ME2: variants seen among roughly 807,000 people sequenced by gnomAD.
The protein encoded by ME2 is NAD-dependent malic enzyme, mitochondrial.
ME2 carries 60 observed loss-of-function variants against 73.7 expected under a neutral mutation model. The observed-to-expected ratio is 0.81, with a 90% CI of 0.66 to 1.01. The LOEUF is 1.01. ME2 is among the 50% of genes least tolerant of loss of function. The pLI, the probability that ME2 is intolerant of heterozygous loss-of-function variation, is 0.00. For missense variants in ME2, 594 were observed against 705.5 expected (o/e 0.84, Z 1.79); for synonymous variants, 199 against 236.9 (o/e 0.84, Z 1.47).
At chr18:50,927,532 C>G (rs960074627) in intron 12 of ME2, among the ~76,000 whole-genome samples, 1 of 151,434 alleles carries the variant, frequency 6.6e-6, no homozygotes, top group Non-Finnish European at 1.5e-5. Context: ...AACCCCGTCT[C>G]TACTAAAAAT....
intron 15 of ME2, 25 bp from the exon 16 acceptor site, chr18:50,946,992 C>T (rs752476230): frequency 6.4e-7 from 1 of 1,574,046 alleles, no homozygotes; most frequent in Non-Finnish European, 8.7e-7. Context: ...TCAGAGCCTA[C>T]ACAATAACCT....
rs911096937 is a variant in ME2, at chr18:50,904,428, A to G, written c.109-3635A>G. 1.1e-4 allele frequency among the ~76,000 whole-genome samples: 17 copies of G among 150,862 alleles called. 1 individual carries two copies. Among genetic ancestry groups the G allele is most frequent in the African/African-American group, 3.7e-4 (15 of 41,050 alleles). On this transcript the variant is annotated intron_variant, in intron 2 of 15. Coordinates refer to ENST00000321341, the MANE Select transcript of ME2 (RefSeq NM_002396.5). ...CAAGTAGCTGGGACTACAGGCACCCACCACCACACCTGGCTTATTTTTTTT... is the reference window on the plus strand; with the variant it reads ...CAAGTAGCTGGGACTACAGGCACCCGCCACCACACCTGGCTTATTTTTTTT...
At chr18:50,907,016 T>G (rs1381459706) in intron 2 of ME2, among the ~76,000 whole-genome samples, 3 of 152,182 alleles carry the variant, frequency 2.0e-5, no homozygotes, top group Non-Finnish European at 4.4e-5. Context: ...TACCCTGTTG[T>G]TTTTCTCAAC....
At chr18:50,923,674 C>T (rs1468702859) in intron 10 of ME2, among the ~76,000 whole-genome samples, 3 of 152,122 alleles carry the variant, frequency 2.0e-5, no homozygotes, top group Admixed American at 6.5e-5. Flanking sequence ...ATCACCTGAG[C>T]CCGGGGAGGT....
chr18:50,893,124 CAAAAAA>C (rs56104427), intron 1 of ME2, among the ~76,000 whole-genome samples: 6 of 78,090 alleles, frequency 7.7e-5, no homozygotes, highest in African/African-American at 3.5e-4. Context: ...GACTCTATCT[CAAAAAA>C]AAAAAAAAAA....
chr18:50,887,246 A>G (rs1056643407), intron 1 of ME2, among the ~76,000 whole-genome samples: 1 of 152,196 alleles, frequency 6.6e-6, no homozygotes, highest in Non-Finnish European at 1.5e-5. Context: ...AAACACAGAG[A>G]TGGTAAGTAA....
rs1917406003 is a variant in ME2 at position 50,920,719 on chromosome 18, A to G, written c.903A>G (p.Pro301=). Residue 301 remains proline (P), a synonymous_variant, in exon 9 of 16, where the codon CCA becomes CCG. Transcript: ENST00000321341. The part of the protein sequence containing the change: ...LLAAQKVISK[P]ISEHKILFLG... ...CAGCACAAAAAGTTATTAGTAAACC[A>G]ATCTCCGAACACAAAATCTTATTCC... 6.2e-7 allele frequency: 1 copy of G among 1,612,030 alleles called. No homozygotes were observed. The highest frequency in any genetic ancestry group is 8.5e-7 in the Non-Finnish European group (1 of 1,179,792).
At chr18:50,914,330 TAGAG>T (rs1264000473) in intron 4 of ME2, among the ~76,000 whole-genome samples, 2 of 152,162 alleles carry the variant, frequency 1.3e-5, no homozygotes, top group East Asian at 3.8e-4. Flanking sequence ...GATTAAAAGA[TAGAG>T]AGAAACTTAG....
At chr18:50,932,405 G>T (rs1352481687) in intron 13 of ME2, 45 bp downstream of exon 13, 6 of 1,443,322 alleles carry the variant, frequency 4.2e-6, no homozygotes, top group Non-Finnish European at 5.8e-6. Context: ...AGTTAATTAT[G>T]TAAAAATACT....
At chr18:50,937,238 G>A (rs2144263833) in intron 13 of ME2, among the ~76,000 whole-genome samples, 1 of 151,982 alleles carries the variant, frequency 6.6e-6, no homozygotes, top group Non-Finnish European at 1.5e-5. Context: ...TTAAAAAAAT[G>A]CTATTAACCA....
intron 13 of ME2, chr18:50,933,505 C>T (rs1917745919): frequency 6.6e-6 from 1 of 152,130 alleles, no homozygotes; most frequent in African/African-American, 2.4e-5. Context: ...TGAGACCTAA[C>T]TTCTATAATA....
chr18:50,946,537 G>A (rs904597251), intron 15 of ME2, among the ~76,000 whole-genome samples: 24 of 152,192 alleles, frequency 1.6e-4, no homozygotes, highest in Admixed American at 1.6e-3. Flanking sequence ...AGTGATAGTG[G>A]TGTCAGTTCC....
chr18:50,898,642 A>G (rs937266663), intron 2 of ME2, among the ~76,000 whole-genome samples: 3 of 152,036 alleles, frequency 2.0e-5, no homozygotes, highest in Non-Finnish European at 2.9e-5. Flanking sequence ...CATGTTGTCT[A>G]TGCTGGTTTT....
chr18:50,919,927 T>C (rs1303733415), intron 7 of ME2, among the ~76,000 whole-genome samples: 2 of 152,120 alleles, frequency 1.3e-5, no homozygotes, highest in African/African-American at 4.8e-5. Context: ...AGGGTCACCC[T>C]AATAACAGCC....
intron 2 of ME2, among the ~76,000 whole-genome samples, chr18:50,902,441 C>T (rs952516888): frequency 2.6e-5 from 4 of 152,196 alleles, no homozygotes; most frequent in Admixed American, 1.3e-4. Flanking sequence ...TCTTGTTGCC[C>T]AGGCTGGAGT....
chr18:50,942,340 T>C (rs1365173280), intron 15 of ME2, among the ~76,000 whole-genome samples: 1 of 152,198 alleles, frequency 6.6e-6, no homozygotes, highest in Non-Finnish European at 1.5e-5. Flanking sequence ...TGACACTGTT[T>C]TAAATTTTAT....
At chr18:50,887,539 G>A (rs992335583) in intron 1 of ME2, among the ~76,000 whole-genome samples, 3 of 152,212 alleles carry the variant, frequency 2.0e-5, no homozygotes, top group African/African-American at 7.2e-5. Flanking sequence ...AATGAAGACT[G>A]TATCCTCACT....
intron 3 of ME2, among the ~76,000 whole-genome samples, chr18:50,910,816 T>C (rs1037001766): frequency 2.0e-4 from 30 of 152,196 alleles, no homozygotes; most frequent in African/African-American, 6.5e-4. Flanking sequence ...TAAACAGTAA[T>C]GACAGGGAGA....
In ME2 at chr18:50,908,105, C is replaced by G. The variant is rs1917059543; in HGVS notation, c.151C>G (p.Gln51Glu). Reference sequence around the variant, plus strand: ...ACAAGAACGACAAATGCTTGGTCTTCAAGGACTTCTACCTCCCAAAATAGA... The same window carrying G: ...ACAAGAACGACAAATGCTTGGTCTTGAAGGACTTCTACCTCCCAAAATAGA... ...TLQERQMLGL[Q>E]GLLPPKIETQ... is the part of the protein sequence containing the mutation. The change falls in exon 3 of 16, where the codon CAA becomes GAA. Residue 51 changes from glutamine (Q) to glutamate (E), a missense_variant. Coordinates refer to ENST00000321341, the MANE Select transcript of ME2 (RefSeq NM_002396.5). 6.3e-7 allele frequency: 1 copy of G among 1,598,650 alleles called. No individual in the cohort carries two copies. Among genetic ancestry groups the G allele is most frequent in the African/African-American group, 1.3e-5 (1 of 74,230 alleles).
Sources: allele counts gnomAD v4.1 joint callset (sites outside exome capture counted in the v4.1 genomes callset), GRCh38; gene constraint gnomAD v4.1.1; transcripts MANE v1.5; gene names NCBI Gene and HGNC (gene_info 2026-07-23, HGNC 2026-07-21).